The following MICAL2 variants were observed in gnomAD, a reference collection of about 807,000 sequenced individuals.
MICAL2 encodes the protein [F-actin]-monooxygenase MICAL2.
Under a neutral mutation model 127.3 loss-of-function variants are expected in MICAL2, and 77 were observed. The observed-to-expected ratio is 0.60, with a 90% confidence interval of 0.50 to 0.73. MICAL2 has a LOEUF of 0.73. Ranked by LOEUF, MICAL2 falls within the 30% of genes least tolerant of loss-of-function variation. The probability of loss-of-function intolerance (pLI) is 0.00; values close to 1 mark genes in which losing one functional copy is unlikely to be tolerated. For missense variants in MICAL2, 1,351 were observed against 1,434.4 expected, an observed-to-expected ratio of 0.94 and a Z score of 0.94; for synonymous variants, 570 against 551.1, an observed-to-expected ratio of 1.03 and a Z score of -0.48.
At chr11:12,313,792 G>C (rs1243407279) in intron 29 of MICAL2, among the ~76,000 whole-genome samples, 1 of 151,870 alleles carries the variant, frequency 6.6e-6, no homozygotes, top group Non-Finnish European at 1.5e-5. Context: ...TGAGGGGTTT[G>C]ACTATTTCTC....
At chr11:12,314,342 C>A (rs1056753221) in intron 29 of MICAL2, among the ~76,000 whole-genome samples, 2 of 151,788 alleles carry the variant, frequency 1.3e-5, no homozygotes, top group African/African-American at 4.8e-5. Context: ...GTATGTAGTG[C>A]TTGTCATTAT....
At chr11:12,248,587 C>T (rs1861088447) in intron 21 of MICAL2, among the ~76,000 whole-genome samples, 1 of 152,218 alleles carries the variant, frequency 6.6e-6, no homozygotes, top group Admixed American at 6.5e-5. Flanking sequence ...GCCCCTCAGT[C>T]CTCCAGGGTC....
intron 1 of MICAL2, among the ~76,000 whole-genome samples, chr11:12,114,359 C>G (rs184560758): frequency 1.5e-4 from 23 of 152,360 alleles, no homozygotes; most frequent in East Asian, 1.2e-3. Context: ...TAGACATCAC[C>G]TGTCCACCTG....
At chr11:12,216,568 G>T (rs2306729) in intron 8 of MICAL2, among the ~76,000 whole-genome samples, 15,110 of 152,188 alleles carry the variant, frequency 0.099, 787 homozygotes, top group Admixed American at 0.16. Context: ...TGTTAATGTG[G>T]ATCAACTGAG....
At chr11:12,298,247 G>T (rs1016804115) in intron 29 of MICAL2, among the ~76,000 whole-genome samples, 1 of 151,798 alleles carries the variant, frequency 6.6e-6, no homozygotes, top group Admixed American at 6.6e-5. Context: ...AGATATATTA[G>T]TTTTTGTTGC....
chr11:12,156,245 A>G (rs1854174098), intron 2 of MICAL2, among the ~76,000 whole-genome samples: 1 of 152,104 alleles, frequency 6.6e-6, no homozygotes, highest in African/African-American at 2.4e-5. Context: ...GTGCTCTTTC[A>G]TTGGCCTTTC....
At chr11:12,291,616 T>A (rs918985751), downstream of MICAL2, among the ~76,000 whole-genome samples, 1 of 152,186 alleles carries the variant, frequency 6.6e-6, no homozygotes, top group African/African-American at 2.4e-5. Flanking sequence ...CTCTCTTGTG[T>A]GCTCTTAAAA....
At chr11:12,245,611 T>C (rs1171261281) in intron 21 of MICAL2, among the ~76,000 whole-genome samples, 1 of 152,194 alleles carries the variant, frequency 6.6e-6, no homozygotes, top group Non-Finnish European at 1.5e-5. Context: ...AAAATAGCCA[T>C]GGTCAGCATA....
intron 24 of MICAL2, among the ~76,000 whole-genome samples, chr11:12,270,796 C>T (rs1356127292): frequency 6.6e-6 from 1 of 152,230 alleles, no homozygotes; most frequent in African/African-American, 2.4e-5. Flanking sequence ...CTCCTCCAAG[C>T]TTTGGTTTCC....
intron 15 of MICAL2, among the ~76,000 whole-genome samples, chr11:12,230,882 C>A (rs1021686804): frequency 7.9e-5 from 12 of 152,216 alleles, no homozygotes; most frequent in African/African-American, 2.9e-4. Context: ...GTTCTGAAAA[C>A]TGGGCAGCCC....
chr11:12,256,722 G>A, intron 23 of MICAL2, 63 bp from the exon 24 acceptor site: 2 of 1,439,682 alleles, frequency 1.4e-6, no homozygotes, highest in South Asian at 1.4e-5. Flanking sequence ...TAAAAGCCTT[G>A]GCCTGGCATT....
intron 25 of MICAL2, 197 bp from the exon 26 acceptor site, chr11:12,259,598 G>C: frequency 2.2e-6 from 1 of 450,100 alleles, no homozygotes; most frequent in Middle Eastern, 5.6e-4. Flanking sequence ...TTGAAGGCTC[G>C]TGACTCCTAT....
intron 2 of MICAL2, among the ~76,000 whole-genome samples, chr11:12,282,571 G>A (rs1390493326): frequency 3.3e-5 from 5 of 152,222 alleles, no homozygotes; most frequent in African/African-American, 7.2e-5. Flanking sequence ...ACCCCAGAGA[G>A]GCAGACCATA....
intron 2 of MICAL2, among the ~76,000 whole-genome samples, chr11:12,282,797 G>A (rs958020221): frequency 3.9e-5 from 6 of 152,158 alleles, no homozygotes; most frequent in Non-Finnish European, 5.9e-5. Flanking sequence ...AAATGTGTTC[G>A]ATCATGTCTT....
chr11:12,272,394 A>G (rs771679322), upstream of MICAL2, among the ~76,000 whole-genome samples: 10 of 152,118 alleles, frequency 6.6e-5, no homozygotes, highest in Non-Finnish European at 8.8e-5. Flanking sequence ...TATCACGTAG[A>G]TATTTGTGAA....
At chr11:12,176,151 C>A (rs1395142764) in intron 3 of MICAL2, among the ~76,000 whole-genome samples, 3 of 152,176 alleles carry the variant, frequency 2.0e-5, no homozygotes, top group African/African-American at 4.8e-5. Context: ...CACTCTCTCA[C>A]CACAAACCAG....
At chr11:12,146,449 A>G (rs1852913904) in intron 2 of MICAL2, among the ~76,000 whole-genome samples, 1 of 152,234 alleles carries the variant, frequency 6.6e-6, no homozygotes, top group African/African-American at 2.4e-5. Context: ...CAGACAACAG[A>G]CACGTGAAAA....
chr11:12,317,682 C>T (rs980269454), intron 29 of MICAL2, among the ~76,000 whole-genome samples: 1 of 152,064 alleles, frequency 6.6e-6, no homozygotes, highest in Non-Finnish European at 1.5e-5. Context: ...ATCCCAGCTA[C>T]TCAGGAGGCT....
intron 2 of MICAL2, among the ~76,000 whole-genome samples, chr11:12,151,086 C>CA (rs1333498822): frequency 6.6e-6 from 1 of 152,150 alleles, no homozygotes; most frequent in African/African-American, 2.4e-5. Flanking sequence ...TACCACATCA[C>CA]ATTGGCTTCC....
Sources: gnomAD v4.1 joint callset for allele counts (sites outside exome capture counted in the v4.1 genomes callset) on GRCh38, gnomAD v4.1.1 for gene constraint, MANE v1.5 for transcripts, NCBI Gene and HGNC (gene_info 2026-07-23, HGNC 2026-07-21) for gene names.